SMPD3: variants seen among roughly 807,000 people sequenced by gnomAD.
The protein encoded by SMPD3 is sphingomyelin phosphodiesterase 3.
A neutral mutation model predicts 55.7 loss-of-function variants in SMPD3; 21 were observed. The observed-to-expected ratio is 0.38, with a 90% CI of 0.27 to 0.54. SMPD3 has a LOEUF of 0.54. Ranked by LOEUF, SMPD3 falls within the 20% of genes least tolerant of loss-of-function variation. The pLI, the probability that SMPD3 is intolerant of heterozygous loss-of-function variation, is 0.80. For missense variants in SMPD3, 842 were observed against 899.6 expected (o/e 0.94, Z 0.82); for synonymous variants, 457 against 404.3 (o/e 1.13, Z -1.56).
intron 1 of SMPD3, among the ~76,000 whole-genome samples, chr16:68,392,951 A>G (rs1205713055): frequency 6.6e-6 from 1 of 151,896 alleles, no homozygotes; most frequent in Non-Finnish European, 1.5e-5. Flanking sequence ...CTTACCAGAA[A>G]CTGAATCAGC....
At chr16:68,361,855 G>A in intron 7 of SMPD3, 96 bp from the exon 8 acceptor site, 2 of 1,083,832 alleles carry the variant, frequency 1.8e-6, no homozygotes, top group Admixed American at 2.2e-5. Flanking sequence ...CCCAGTGTGG[G>A]AGCGGGTGGG....
In SMPD3 at chr16:68,361,222, C is replaced by G. The variant is rs562332135; in HGVS notation, c.1952G>C (p.Gly651Ala). Residue 651 changes from glycine to alanine, a missense_variant, in exon 9 of 9, where the codon GGG becomes GCG. This residue lies in a region of SMPD3 where 649 missense variants were observed against 643.6 expected (regional missense o/e 1.01). Coordinates refer to ENST00000219334, the MANE Select transcript of SMPD3 (RefSeq NM_018667.4). The part of the protein sequence containing the change: ...PVAMRLMVSS[G>A]EEEA The stretch of plus-strand genomic sequence containing the variant: ...CCGGACGGTCTATGCCTCCTCCTCC[C>G]CCGAAGACACCATCAGTCGCATGGC... 4 of 1,613,816 alleles carry G rather than the reference C, an allele frequency of 2.5e-6. No individual in the cohort carries two copies. Among genetic ancestry groups the G allele is most frequent in the Admixed American group, 3.3e-5 (2 of 60,002 alleles).
intron 5 of SMPD3, among the ~76,000 whole-genome samples, chr16:68,364,210 T>C (rs1019651614): frequency 6.6e-6 from 1 of 152,242 alleles, no homozygotes; most frequent in East Asian, 1.9e-4. Flanking sequence ...AAGTGTTTGC[T>C]GTTTCACTGA....
chr16:68,394,927 T>C (rs186604889), intron 1 of SMPD3, among the ~76,000 whole-genome samples: 1 of 152,280 alleles, frequency 6.6e-6, no homozygotes, highest in East Asian at 1.9e-4. Context: ...CTGAGGCTTG[T>C]CCTATTGATT....
chr16:68,425,795 C>A (rs910802495), intron 1 of SMPD3, among the ~76,000 whole-genome samples: 1 of 152,160 alleles, frequency 6.6e-6, no homozygotes, highest in African/African-American at 2.4e-5. Context: ...ATCTGGAGAA[C>A]AAGCACTCCC....
intron 1 of SMPD3, among the ~76,000 whole-genome samples, chr16:68,440,448 G>T (rs755542014): frequency 6.6e-6 from 1 of 152,130 alleles, no homozygotes; most frequent in East Asian, 1.9e-4. Flanking sequence ...AAATCCACTC[G>T]CCTCGACCTC....
intron 1 of SMPD3, among the ~76,000 whole-genome samples, chr16:68,426,334 C>T (rs892565087): frequency 1.3e-5 from 2 of 152,292 alleles, no homozygotes; most frequent in Admixed American, 6.5e-5. Context: ...TTTATTATGT[C>T]ATTATGGGGA....
In SMPD3 at chr16:68,447,083, C is replaced by A. The variant is rs938376565; in HGVS notation, c.-269+1270G>T. Among the ~76,000 whole-genome samples the A allele has an allele frequency of 8.6e-5, 13 of 151,854 alleles. No individual in the cohort carries two copies. Among genetic ancestry groups the A allele is most frequent in the African/African-American group, 2.4e-4 (10 of 41,386 alleles). ...AAGCTGCCCGCGCCGCGCCCGAAGC[C>A]CCCCCTCCGCGGCCGCGCCCCCCGC... On this transcript the variant is annotated intron_variant, in intron 1 of 8. Transcript: ENST00000219334. This position sits in a 1 kb window ranked among gnomAD's most constrained non-coding sequence, Gnocchi z 5.1.
chr16:68,373,364 G>A (rs561106758), intron 2 of SMPD3, among the ~76,000 whole-genome samples: 1 of 152,368 alleles, frequency 6.6e-6, no homozygotes, highest in Admixed American at 6.5e-5. Flanking sequence ...CAAGCTTCTG[G>A]AGTGTTTGCC....
At chr16:68,365,141 T>A in intron 3 of SMPD3, 49 bp from the exon 4 acceptor site, 1 of 1,595,010 alleles carries the variant, frequency 6.3e-7, no homozygotes, top group Non-Finnish European at 8.6e-7. Context: ...ACTGTGGCCC[T>A]GAGAGCACAG....
At chr16:68,414,112 C>T (rs1274708096) in intron 1 of SMPD3, among the ~76,000 whole-genome samples, 3 of 152,238 alleles carry the variant, frequency 2.0e-5, no homozygotes, top group African/African-American at 7.2e-5. Context: ...CATAGTCTAA[C>T]AGGGCTAGGC....
intron 1 of SMPD3, among the ~76,000 whole-genome samples, chr16:68,393,523 A>G (rs887792701): frequency 1.1e-4 from 17 of 152,182 alleles, no homozygotes; most frequent in African/African-American, 3.9e-4. Flanking sequence ...TGAATGGGTG[A>G]AGGCAGAGTT....
chr16:68,405,422 C>T (rs1016542809), intron 1 of SMPD3, among the ~76,000 whole-genome samples: 2 of 151,746 alleles, frequency 1.3e-5, no homozygotes, highest in Admixed American at 6.6e-5. Flanking sequence ...TGGTGGCACA[C>T]ACCCGTGGTC....
At chr16:68,431,508 T>G (rs1275573921) in intron 1 of SMPD3, among the ~76,000 whole-genome samples, 1 of 152,140 alleles carries the variant, frequency 6.6e-6, no homozygotes, top group Non-Finnish European at 1.5e-5. Context: ...GGACTCCCAT[T>G]TATAATGTGC....
chr16:68,367,998 G>A (rs1378114373), intron 3 of SMPD3: 1 of 152,248 alleles, frequency 6.6e-6, no homozygotes, highest in Admixed American at 6.5e-5. Context: ...GGGGACCGCT[G>A]ATTTCTGCAG....
chr16:68,421,558 C>T (rs1397566549), intron 1 of SMPD3, among the ~76,000 whole-genome samples: 1 of 152,180 alleles, frequency 6.6e-6, no homozygotes, highest in Non-Finnish European at 1.5e-5. Flanking sequence ...AAACCACTCC[C>T]CCAGTACACC....
rs1455988202 is a variant in SMPD3 at position 68,370,853 on chromosome 16, T to C, written c.1323+6A>G. ...GTGGTCCTCAGGCTGGGCCGAGGTC[T>C]CCTACCTTGAGAAACAGAGCTCCCT... On this transcript the variant is annotated splice_donor_region_variant and intron_variant, in intron 3 of 8. Coordinates refer to ENST00000219334, the MANE Select transcript of SMPD3 (RefSeq NM_018667.4). 6.2e-7 allele frequency: 1 copy of C among 1,613,168 alleles called. No individual in the cohort carries two copies. Among genetic ancestry groups the C allele is most frequent in the Admixed American group, 1.7e-5 (1 of 59,898 alleles).
chr16:68,426,995 T>TC (rs2090441291), intron 1 of SMPD3, among the ~76,000 whole-genome samples: 1 of 144,642 alleles, frequency 6.9e-6, no homozygotes, highest in Non-Finnish European at 1.5e-5. Flanking sequence ...GTCTATCTTT[T>TC]TTTTTTTTTT....
Position 68,358,833 on chromosome 16 carries a change from T to G in SMPD3, c.*2373A>C, listed in dbSNP as rs1197566361. On this transcript the variant is annotated 3_prime_UTR_variant, in exon 9 of 9. Transcript: ENST00000219334. ...AATCTGAGATCCAGCAATGGTTCAC[T>G]TTAAAAAATCAGTGGAAGGGCCTGG... is the stretch of plus-strand genomic sequence containing the variant. 2.0e-5 allele frequency: 3 copies of G among 152,450 alleles called. No homozygotes were observed. The highest frequency in any genetic ancestry group is 4.8e-5 in the African/African-American group (2 of 41,438). 9.4% of individuals were successfully genotyped at this position (152,450 alleles called of 1,614,324 possible).
Sources: allele counts gnomAD v4.1 joint callset (sites outside exome capture counted in the v4.1 genomes callset), GRCh38; gene constraint gnomAD v4.1.1; regional missense constraint gnomAD v4.1.1; non-coding constraint Gnocchi (gnomAD v3.1); transcripts MANE v1.5; gene names NCBI Gene and HGNC (gene_info 2026-07-23, HGNC 2026-07-21).